Variants in TTN observed in about 807,000 individuals in gnomAD.
The protein encoded by TTN is titin, also known as connectin.
In TTN, 1,525 loss-of-function variants were observed where a neutral mutation model predicts 3,223.0. That is an observed-to-expected ratio of 0.47 (90% CI 0.45 to 0.49). TTN has a LOEUF of 0.49. TTN is among the 20% of genes least tolerant of loss of function. The probability of loss-of-function intolerance (pLI) is 0.00; values close to 1 mark genes in which losing one functional copy is unlikely to be tolerated. For synonymous variants in TTN, 14,094 were observed against 15,161.0 expected (o/e 0.93, Z 5.17); for missense variants, 40,786 against 43,424.0 (o/e 0.94, Z 5.40).
chr2:178,664,695 AGCGT>A lies in TTN; in HGVS notation c.36157_36160del (p.Thr12053LeufsTer104). On this transcript the variant is annotated frameshift_variant, in exon 167 of 363. Transcript: ENST00000589042. LOFTEE classifies it high-confidence loss of function. ...TTCAGGCTTTCTGAGAGGAACCACA[AGCGT>A]TTTCTTTTCAGGGACAATTTCTTGG... 1 of 1,612,456 alleles carries A rather than the reference AGCGT, an allele frequency of 6.2e-7. No homozygotes were observed. The highest frequency in any genetic ancestry group is 8.5e-7 in the Non-Finnish European group (1 of 1,179,688).
intron 281 of TTN, 77 bp from the exon 282 acceptor site, chr2:178,604,382 A>AT: frequency 8.4e-7 from 1 of 1,188,182 alleles, no homozygotes; most frequent in Non-Finnish European, 1.1e-6. Flanking sequence ...AATTCAACTT[A>AT]TTTTGGGAGG....
In TTN at chr2:178,652,918, G is replaced by A. The variant is rs777519936; in HGVS notation, c.38889C>T (p.Pro12963=). The change falls in exon 200 of 363, where the codon CCC becomes CCT. Residue 12963 remains proline, a synonymous_variant. Transcript: ENST00000589042. ...TTTTCTTTTCAGGAACAACCTCTAT[G>A]GGAGCCTCTGGCACTTAAAAGATAT... ...EVPPVKVPEA[P]IEVVPEKKMP... 1.2e-6 allele frequency: 2 copies of A among 1,606,800 alleles called. No individual in the cohort carries two copies. The highest frequency in any genetic ancestry group is 1.7e-5 in the Admixed American group (1 of 58,574).
chr2:178,738,821 C>A (rs1445587583), intron 48 of TTN, among the ~76,000 whole-genome samples: 2 of 152,106 alleles, frequency 1.3e-5, no homozygotes, highest in African/African-American at 4.8e-5. Context: ...TAGGTGTTCA[C>A]TGATACTTTT....
In TTN at chr2:178,650,961, C is replaced by T. The variant is rs2062839988; in HGVS notation, c.39626-127G>A. ...CCAAGAACAAATTTCACAATAAGGT[C>T]AGTGATCTGTCTTTGGACCCTCATA... On this transcript the variant is annotated intron_variant, in intron 208 of 362. Coordinates refer to ENST00000589042, the MANE Select transcript of TTN (RefSeq NM_001267550.2). The T allele has an allele frequency of 1.6e-5, 16 of 1,021,448 alleles. No homozygotes were observed. In the South Asian group the frequency reaches 2.1e-4, roughly 14 times the overall value. 63.3% of individuals were successfully genotyped at this position (1,021,448 alleles called of 1,614,324 possible). A position where few individuals can be genotyped will look rare whatever the true frequency, so the allele number is the denominator to read the frequency against.
Position 178,722,047 on chromosome 2 carries a change from G to T in TTN, c.22616C>A (p.Thr7539Asn), listed in dbSNP as rs879209114. 1 of 1,613,108 alleles carries T rather than the reference G, an allele frequency of 6.2e-7. No homozygotes were observed. Among genetic ancestry groups the T allele is most frequent in the East Asian group, 2.2e-5 (1 of 44,866 alleles). ...GESADFECHV[T>N]GAQPMRITWS... ...AGTGATTCGCATCGGTTGAGCACCA[G>T]TAACATGACACTCAAAATCAGCACT... Residue 7539 changes from threonine (T) to asparagine (N), a missense_variant, in exon 78 of 363, where the codon ACT becomes AAT. Transcript: ENST00000589042.
chr2:178,586,552 C>G lies in TTN; in HGVS notation c.64349G>C (p.Ser21450Thr). 6.2e-7 allele frequency: 1 copy of G among 1,613,236 alleles called. No homozygotes were observed. The highest frequency in any genetic ancestry group is 1.7e-4 in the Middle Eastern group (1 of 6,050). ...CACTCCTTCAGCTTCTCTTGGCAAA[C>G]TGACTCCAACAGCATTTCTGGCCGC... ...RVAARNAVGV[S>T]LPREAEGVYE... is the part of the protein sequence containing the mutation. The change falls in exon 308 of 363, where the codon AGT becomes ACT. Residue 21450 changes from serine to threonine, a missense_variant. Coordinates refer to ENST00000589042, the MANE Select transcript of TTN (RefSeq NM_001267550.2).
chr2:178,598,086 AT>A (rs780088118), intron 292 of TTN, 28 bp from the exon 293 acceptor site: 2 of 1,602,454 alleles, frequency 1.2e-6, no homozygotes, highest in Non-Finnish European at 8.5e-7. Flanking sequence ...ACATTTTATA[AT>A]TAGAATAGTT....
chr2:178,543,218 A>G lies in TTN; in HGVS notation c.96755T>C (p.Val32252Ala). ...CKAGTERWMK[V>A]VTLKPTVLEH... ...TAGGACTGTGGGTTTTAAGGTGACA[A>G]CCTTCATCCATCTCTCTGTGCCAGC... is the stretch of plus-strand genomic sequence containing the variant. The change falls in exon 347 of 363, where the codon GTT becomes GCT. Residue 32252 changes from valine to alanine, a missense_variant. By Grantham distance (64) the Val-to-Ala change is moderately conservative (BLOSUM62 0). Coordinates refer to ENST00000589042, the MANE Select transcript of TTN (RefSeq NM_001267550.2). 6.2e-7 allele frequency: 1 copy of G among 1,613,602 alleles called. No individual in the cohort carries two copies. The highest frequency in any genetic ancestry group is 8.5e-7 in the Non-Finnish European group (1 of 1,179,726).
At chr2:178,722,190 T>C (rs2078496347) in intron 77 of TTN, 56 bp from the exon 78 acceptor site, 1 of 1,529,376 alleles carries the variant, frequency 6.5e-7, no homozygotes, top group South Asian at 1.3e-5. Flanking sequence ...TTGCCATTGG[T>C]CGTTTCTACT....
At position 178,564,479 on chromosome 2, in the gene TTN, A is replaced by G. The variant is rs1332904652; in HGVS notation, c.81653T>C (p.Met27218Thr). ...EKKDLPDGRW[M>T]KASFTNVLET... ...TAATACGTTGGTAAAGCTGGCTTTC[A>G]TCCAGCGGCCATCAGGTAGATCTTT... Residue 27218 changes from methionine to threonine, a missense_variant, in exon 326 of 363, where the codon ATG becomes ACG. By Grantham distance (81) the Met-to-Thr change is moderately conservative (BLOSUM62 -1). Transcript: ENST00000589042. 1.2e-6 allele frequency: 2 copies of G among 1,612,152 alleles called. No homozygotes were observed. The highest frequency in any genetic ancestry group is 1.7e-6 in the Non-Finnish European group (2 of 1,178,952).
In TTN at chr2:178,730,294, C is replaced by G. The variant is rs1308477986; in HGVS notation, c.18106G>C (p.Gly6036Arg). ...TTTATTGTCATGGGTGCAGTGCCAC[C>G]CACAAGAGCCTTTAACTGTACCCTT... ...NTRVQLKALV[G>R]GTAPMTIKWF... Residue 6036 changes from glycine (G) to arginine (R), a missense_variant, in exon 62 of 363, where the codon GGT becomes CGT. Physicochemically the swap from Gly to Arg is moderately radical, Grantham distance 125. Coordinates refer to ENST00000589042, the MANE Select transcript of TTN (RefSeq NM_001267550.2). The G allele has an allele frequency of 6.2e-7, 1 of 1,611,986 alleles. No homozygotes were observed. Among genetic ancestry groups the G allele is most frequent in the Non-Finnish European group, 8.5e-7 (1 of 1,179,014 alleles).
chr2:178,570,596 C>A lies in TTN; in HGVS notation c.75536G>T (p.Ser25179Ile), dbSNP rs1707825779. The A allele has an allele frequency of 6.2e-7, 1 of 1,613,462 alleles. No individual in the cohort carries two copies. The highest frequency in any genetic ancestry group is 8.5e-7 in the Non-Finnish European group (1 of 1,179,630). The change falls in exon 326 of 363, where the codon AGT becomes ATT. Residue 25179 changes from serine to isoleucine, a missense_variant. By Grantham distance (142) the Ser-to-Ile change is moderately radical. Coordinates refer to ENST00000589042, the MANE Select transcript of TTN (RefSeq NM_001267550.2). ...TTTGGCCTTCAGTATGTAATTTCCACTGTCGACACGTACTGCATCTTTTAC... is the reference window on the plus strand; with the variant it reads ...TTTGGCCTTCAGTATGTAATTTCCAATGTCGACACGTACTGCATCTTTTAC... ...LSVKDAVRVDSGNYILKAKNV... is the reference protein window; with the variant it reads ...LSVKDAVRVDIGNYILKAKNV...
chr2:178,732,043 C>A (rs202241493), intron 57 of TTN, 23 bp downstream of exon 57: 2 of 1,590,102 alleles, frequency 1.3e-6, no homozygotes, highest in Admixed American at 3.4e-5. Flanking sequence ...TTTGGCAACA[C>A]AAGAGGCAAA....
chr2:178,666,869 C>T lies in TTN; in HGVS notation c.35830G>A (p.Gly11944Arg), dbSNP rs2066025776. The T allele has an allele frequency of 3.2e-6, 5 of 1,570,232 alleles. No homozygotes were observed. The African/African-American group carries it at 6.8e-5, about 21-fold the overall frequency. The part of the protein sequence containing the change: ...FEVFKEVIPE[G>R]ETPIVKRRKT... ...CTTCTTTTAACAATAGGAGTTTCTC[C>T]CTCTGGAATGACTTCCTTGAAGACT... The change falls in exon 163 of 363, where the codon GGA becomes AGA. Residue 11944 changes from glycine (G) to arginine (R), a missense_variant. Gly to Arg is a moderately radical substitution (Grantham distance 125). Transcript: ENST00000589042.
chr2:178,756,096 T>C (rs773031149), intron 46 of TTN, 126 bp downstream of exon 46: 2 of 731,054 alleles, frequency 2.7e-6, no homozygotes, highest in Non-Finnish European at 4.4e-6. Context: ...AGAAGTCACT[T>C]ATGAATAGGG....
Position 178,568,231 on chromosome 2 carries a change from G to A in TTN, c.77901C>T (p.Ala25967=), listed in dbSNP as rs531679006. ...CAAAGCTTTGTCCATATCTGTTTTC[G>A]GCAAATATTCTAAATTGGTATTCTG... ...TGTEYQFRIF[A]ENRYGQSFAL... The change falls in exon 326 of 363, where the codon GCC becomes GCT. Residue 25967 remains alanine (A), a synonymous_variant. Coordinates refer to ENST00000589042, the MANE Select transcript of TTN (RefSeq NM_001267550.2). 2.1e-5 allele frequency: 34 copies of A among 1,613,382 alleles called. No homozygotes were observed. Among genetic ancestry groups the A allele is most frequent in the East Asian group, 1.6e-4 (7 of 44,830 alleles).
chr2:178,586,256 G>T (rs2048939081), intron 308 of TTN, among the ~76,000 whole-genome samples: 1 of 152,018 alleles, frequency 6.6e-6, no homozygotes, highest in African/African-American at 2.4e-5. Context: ...ACAGAATAGG[G>T]TAGAAAACAT....
intron 50 of TTN, 118 bp downstream of exon 50, chr2:178,735,393 T>A (rs1430265442): frequency 3.9e-6 from 4 of 1,023,234 alleles, no homozygotes; most frequent in Non-Finnish European, 5.4e-6. Context: ...ACCATAATGT[T>A]TGCTGAATGA....
chr2:178,567,435 C>T lies in TTN; in HGVS notation c.78697G>A (p.Glu26233Lys), dbSNP rs267599036. ...TCACATCTAGCAGATTCTTCAATTT[C>T]CTTATCTCCTCTTAACCACTCAATG... The part of the protein sequence containing the change: ...PTIEWLRGDK[E>K]IEESARCEIK... The change falls in exon 326 of 363, where the codon GAA becomes AAA. Residue 26233 changes from glutamate to lysine, a missense_variant. By Grantham distance (56) the Glu-to-Lys change is moderately conservative. Transcript: ENST00000589042. 6.2e-7 allele frequency: 1 copy of T among 1,610,080 alleles called. No homozygotes were observed. The highest frequency in any genetic ancestry group is 1.7e-5 in the Admixed American group (1 of 59,526).
Sources: allele counts gnomAD v4.1 joint callset (sites outside exome capture counted in the v4.1 genomes callset), GRCh38; gene constraint gnomAD v4.1.1; transcripts MANE v1.5; gene names NCBI Gene and HGNC (gene_info 2026-07-23, HGNC 2026-07-21).